The following DENND11 variants were observed in gnomAD, a reference collection of about 807,000 sequenced individuals.
DENND11 encodes DENN domain containing 11.
Under a neutral mutation model 49.2 loss-of-function variants are expected in DENND11, and 34 were observed. The observed-to-expected ratio is 0.69, with a 90% CI of 0.53 to 0.92. The LOEUF is 0.92. DENND11 is among the 40% of genes least tolerant of loss of function. DENND11 has a pLI of 0.00. For synonymous variants in DENND11, 238 were observed against 230.3 expected, an observed-to-expected ratio of 1.03 and a Z score of -0.30; for missense variants, 475 against 581.6, an observed-to-expected ratio of 0.82 and a Z score of 1.88.
At chr7:141,698,226 G>A (rs1425028593) in intron 1 of DENND11, among the ~76,000 whole-genome samples, 1 of 152,204 alleles carries the variant, frequency 6.6e-6, no homozygotes, top group Non-Finnish European at 1.5e-5. Context: ...GCCACCATCT[G>A]GGGGCAGGGG....
rs1797777316 is a variant in DENND11 at position 141,660,738 on chromosome 7, T to G, written c.*1918A>C. 1 of 152,300 alleles carries G rather than the reference T, an allele frequency of 6.6e-6. No homozygotes were observed. Among genetic ancestry groups the G allele is most frequent in the African/African-American group, 2.4e-5 (1 of 41,318 alleles). The allele number at this position is 152,300 out of a possible 1,614,324, so 9.4% of individuals were successfully genotyped here. On this transcript the variant is annotated 3_prime_UTR_variant, in exon 9 of 9. Transcript: ENST00000536163. ...CTGAACCTCAGGATACCACGAAAAA[T>G]AACCATTACTTGACAGAAAGGACCC... is the stretch of plus-strand genomic sequence containing the variant.
chr7:141,695,500 G>C (rs1369930773), intron 1 of DENND11, among the ~76,000 whole-genome samples: 2 of 152,172 alleles, frequency 1.3e-5, no homozygotes, highest in African/African-American at 4.8e-5. Flanking sequence ...CTTACATATG[G>C]AATTTGAGGA....
At chr7:141,674,967 A>G (rs1798042966) in intron 3 of DENND11, among the ~76,000 whole-genome samples, 1 of 152,172 alleles carries the variant, frequency 6.6e-6, no homozygotes, top group African/African-American at 2.4e-5. Context: ...GTTTGTCACT[A>G]TATTTAATGG....
At chr7:141,686,489 C>T in intron 2 of DENND11, 70 bp downstream of exon 2, 4 of 977,404 alleles carry the variant, frequency 4.1e-6, no homozygotes, top group East Asian at 2.5e-5. Context: ...AATAAGAGCC[C>T]TTCAGCTTTG....
intron 1 of DENND11, among the ~76,000 whole-genome samples, chr7:141,696,795 A>G (rs1798422011): frequency 6.6e-6 from 1 of 152,212 alleles, no homozygotes; most frequent in Admixed American, 6.5e-5. Context: ...GAAACCTCCA[A>G]AGAGTATTTG....
chr7:141,685,055 TATA>T (rs1563002259), intron 3 of DENND11, among the ~76,000 whole-genome samples: 26 of 139,924 alleles, frequency 1.9e-4, no homozygotes, highest in African/African-American at 6.2e-4. Flanking sequence ...TATATATATA[TATA>T]TTTTTAAGTT....
At chr7:141,696,830 T>C (rs569756461) in intron 1 of DENND11, among the ~76,000 whole-genome samples, 4 of 152,236 alleles carry the variant, frequency 2.6e-5, no homozygotes, top group African/African-American at 9.6e-5. Flanking sequence ...ATCAGAAAAG[T>C]AAATAACCCA....
At chr7:141,671,641 C>T (rs1797981950) in intron 4 of DENND11, among the ~76,000 whole-genome samples, 1 of 152,186 alleles carries the variant, frequency 6.6e-6, no homozygotes, top group African/African-American at 2.4e-5. Context: ...TTTTTTCTCT[C>T]TTAGTCCCTC....
intron 3 of DENND11, among the ~76,000 whole-genome samples, chr7:141,679,945 G>C (rs906673289): frequency 6.6e-6 from 1 of 152,130 alleles, no homozygotes; most frequent in Non-Finnish European, 1.5e-5. Context: ...GGTGAAACAG[G>C]CATTCTCTTG....
At chr7:141,690,875 C>T (rs1798316830) in intron 1 of DENND11, among the ~76,000 whole-genome samples, 1 of 152,104 alleles carries the variant, frequency 6.6e-6, no homozygotes, top group Non-Finnish European at 1.5e-5. Flanking sequence ...TCCGTGAGAT[C>T]AATACAGTGC....
Position 141,669,968 on chromosome 7 carries a change from G to A in DENND11, c.682-3543C>T, listed in dbSNP as rs554794750. Among the ~76,000 whole-genome samples the A allele has an allele frequency of 5.2e-3, 783 of 150,974 alleles. 12 individuals carry two copies. The highest frequency in any genetic ancestry group is 0.018 in the African/African-American group (743 of 40,994). On this transcript the variant is annotated intron_variant, in intron 4 of 8. Transcript: ENST00000536163. Reference sequence around the variant, plus strand: ...TGGGACTACAGGCGCCCGCCACCTCGCCCGGCTAATTTTTTGTATTTTTAG... The same window carrying A: ...TGGGACTACAGGCGCCCGCCACCTCACCCGGCTAATTTTTTGTATTTTTAG...
At chr7:141,665,536 A>G (rs539011534) in intron 5 of DENND11, among the ~76,000 whole-genome samples, 1 of 152,218 alleles carries the variant, frequency 6.6e-6, no homozygotes, top group East Asian at 1.9e-4. Flanking sequence ...CCCAAACCCA[A>G]TAAACATTTC....
chr7:141,691,394 C>T (rs1798325521), intron 1 of DENND11, among the ~76,000 whole-genome samples: 1 of 152,164 alleles, frequency 6.6e-6, no homozygotes, highest in Admixed American at 6.5e-5. Flanking sequence ...TTGATTATGC[C>T]ACTGTTGATT....
chr7:141,674,230 A>AAAACAC lies in DENND11; in HGVS notation c.528-11_528-10insGTGTTT. ...CATCTCCAACTGGTGCCTGCAGAAAAACACACACACACACACACACACACA... is the reference window on the plus strand; with the variant it reads ...CATCTCCAACTGGTGCCTGCAGAAAAAAACACACACACACACACACACACACACACA... On this transcript the variant is annotated splice_polypyrimidine_tract_variant and intron_variant, in intron 3 of 8. Transcript: ENST00000536163. 6.7e-7 allele frequency: 1 copy of AAAACAC among 1,493,360 alleles called. No homozygotes were observed. Among genetic ancestry groups the AAAACAC allele is most frequent in the Admixed American group, 2.1e-5 (1 of 47,460 alleles). 92.5% of individuals were successfully genotyped at this position (1,493,360 alleles called of 1,614,324 possible).
At chr7:141,674,326 C>T (rs1798033292) in intron 3 of DENND11, 106 bp from the exon 4 acceptor site, 6 of 1,416,388 alleles carry the variant, frequency 4.2e-6, no homozygotes, top group Non-Finnish European at 5.5e-6. Flanking sequence ...GGGGCTGTAA[C>T]ACTCAGGGGC....
chr7:141,694,917 C>T (rs1798388508), intron 1 of DENND11, among the ~76,000 whole-genome samples: 1 of 152,222 alleles, frequency 6.6e-6, no homozygotes, highest in African/African-American at 2.4e-5. Context: ...TGATTTCAGA[C>T]AGCCCCCCTC....
chr7:141,667,344 G>C (rs1797911437), intron 4 of DENND11, among the ~76,000 whole-genome samples: 1 of 152,172 alleles, frequency 6.6e-6, no homozygotes, highest in Admixed American at 6.5e-5. Flanking sequence ...TTCCAATCCT[G>C]GCCCTGCCAT....
chr7:141,700,490 A>AAG (rs985227067), intron 1 of DENND11, among the ~76,000 whole-genome samples: 1 of 151,830 alleles, frequency 6.6e-6, no homozygotes, highest in Non-Finnish European at 1.5e-5. Flanking sequence ...AAAAAAAAAA[A>AAG]AGAGAGAGAA....
In DENND11 at chr7:141,658,203, TAA is replaced by T. The variant is rs954833546; in HGVS notation, c.*4451_*4452del. On this transcript the variant is annotated 3_prime_UTR_variant, in exon 9 of 9. Coordinates refer to ENST00000536163, the MANE Select transcript of DENND11 (RefSeq NM_001080392.2). Reference sequence around the variant, plus strand: ...TCAGTTCATCACATAGTAATATCAATAAAAAAATAAACTTCCATTTCTTATAA... The same window carrying T: ...TCAGTTCATCACATAGTAATATCAATAAAAATAAACTTCCATTTCTTATAA... 2.6e-5 allele frequency: 4 copies of T among 152,146 alleles called. No homozygotes were observed. Among genetic ancestry groups the T allele is most frequent in the Non-Finnish European group, 5.9e-5 (4 of 68,022 alleles). 9.4% of individuals were successfully genotyped at this position (152,146 alleles called of 1,614,324 possible).
Sources: allele counts gnomAD v4.1 joint callset (sites outside exome capture counted in the v4.1 genomes callset), GRCh38; gene constraint gnomAD v4.1.1; transcripts MANE v1.5; gene names NCBI Gene and HGNC (gene_info 2026-07-23, HGNC 2026-07-21).